SNTG1: variants seen among roughly 807,000 people sequenced by gnomAD.
SNTG1 encodes gamma-1-syntrophin.
In SNTG1, 39 loss-of-function variants were observed where a neutral mutation model predicts 74.7. The ratio of observed to expected loss-of-function variants is 0.52; its 90% confidence interval spans 0.40 to 0.68. The LOEUF is 0.68. Among genes scored for constraint, SNTG1 ranks in the 30% least tolerant of loss-of-function variants. The probability of loss-of-function intolerance (pLI) is 0.00; values close to 1 mark genes in which losing one functional copy is unlikely to be tolerated. For missense variants in SNTG1, 685 were observed against 609.5 expected, an observed-to-expected ratio of 1.12 and a Z score of -1.30; for synonymous variants, 254 against 217.1, an observed-to-expected ratio of 1.17 and a Z score of -1.49.
At chr8:50,265,031 A>T (rs1158526024) in intron 2 of SNTG1, among the ~76,000 whole-genome samples, 1 of 152,318 alleles carries the variant, frequency 6.6e-6, no homozygotes, top group East Asian at 1.9e-4. Context: ...AAATAATGTT[A>T]CTGGTAAATC....
In SNTG1 at chr8:50,578,112, A is replaced by G. The variant is rs1167017558; in HGVS notation, c.811-12767A>G. On this transcript the variant is annotated intron_variant, in intron 12 of 18. Transcript: ENST00000642720. The stretch of plus-strand genomic sequence containing the variant: ...ATTCTGCTAGACTGAGGGAAGTTAA[A>G]ATGAATAAGACACATGTCTCTTCTT... Among the ~76,000 whole-genome samples, 6 of 152,354 alleles carry G rather than the reference A, an allele frequency of 3.9e-5. No individual in the cohort carries two copies. In the East Asian group the frequency reaches 1.2e-3, roughly 29 times the overall value.
chr8:50,229,176 C>T (rs1017933124), intron 2 of SNTG1, among the ~76,000 whole-genome samples: 1 of 151,374 alleles, frequency 6.6e-6, no homozygotes, highest in Non-Finnish European at 1.5e-5. Context: ...AATTAAAACC[C>T]ACTAAGACAG....
chr8:50,064,198 C>T (rs544789684), intron 1 of SNTG1, among the ~76,000 whole-genome samples: 14 of 152,320 alleles, frequency 9.2e-5, no homozygotes, highest in East Asian at 1.9e-4. Flanking sequence ...AGCATCATCA[C>T]GTGTAAGATG....
At position 50,105,572 on chromosome 8, in the gene SNTG1, A is replaced by C. The variant is rs112487347; in HGVS notation, c.-102-66989A>C. Among the ~76,000 whole-genome samples, 11 of 152,024 alleles carry C rather than the reference A, an allele frequency of 7.2e-5. 1 individual carries two copies. The highest frequency in any genetic ancestry group is 2.4e-4 in the African/African-American group (10 of 41,502). Reference sequence around the variant, plus strand: ...TAATTTTTTTCTAATTCTGTGAAGAAAGTTATTGGAATTTTAGTAGGAATA... The same window carrying C: ...TAATTTTTTTCTAATTCTGTGAAGACAGTTATTGGAATTTTAGTAGGAATA... On this transcript the variant is annotated intron_variant, in intron 1 of 18. Transcript: ENST00000642720.
At position 49,917,330 on chromosome 8, in the gene SNTG1, A is replaced by G. The variant is rs1252105334; in HGVS notation, c.-103+5099A>G. Among the ~76,000 whole-genome samples, 3 of 152,142 alleles carry G rather than the reference A, an allele frequency of 2.0e-5. No homozygotes were observed. In the East Asian group the frequency reaches 5.8e-4, roughly 29 times the overall value. ...TTGAACTCATAAACTTTCCTTCCAC[A>G]TCTGTCATGCCATTCTTCTTGAAAA... On this transcript the variant is annotated intron_variant, in intron 1 of 18. Coordinates refer to ENST00000642720, the MANE Select transcript of SNTG1 (RefSeq NM_018967.5).
chr8:50,393,285 C>A (rs2092686307), intron 2 of SNTG1, among the ~76,000 whole-genome samples: 1 of 151,956 alleles, frequency 6.6e-6, no homozygotes, highest in African/African-American at 2.4e-5. Flanking sequence ...TCTGTTTTGC[C>A]ACACTTACCT....
intron 17 of SNTG1, among the ~76,000 whole-genome samples, chr8:50,710,717 T>G (rs992939937): frequency 2.0e-5 from 3 of 152,214 alleles, no homozygotes; most frequent in Non-Finnish European, 4.4e-5. Context: ...CAATGTCCTA[T>G]CTGACATTCC....
At chr8:50,738,219 T>A (rs138360995) in intron 17 of SNTG1, among the ~76,000 whole-genome samples, 28 of 152,274 alleles carry the variant, frequency 1.8e-4, no homozygotes, top group African/African-American at 5.8e-4. Flanking sequence ...AGCCTCAAGA[T>A]ACAAAATCAA....
chr8:50,480,782 G>T (rs1486365797), intron 8 of SNTG1, among the ~76,000 whole-genome samples: 3 of 151,998 alleles, frequency 2.0e-5, no homozygotes, highest in African/African-American at 7.3e-5. Flanking sequence ...AAAATATTTT[G>T]ACTTTCACAA....
At chr8:50,010,001 AC>A (rs1375273534) in intron 1 of SNTG1, among the ~76,000 whole-genome samples, 1 of 152,156 alleles carries the variant, frequency 6.6e-6, no homozygotes, top group Non-Finnish European at 1.5e-5. Context: ...GTCTAAAAAA[AC>A]CCAATTATTT....
intron 1 of SNTG1, among the ~76,000 whole-genome samples, chr8:50,130,047 G>T (rs1304927816): frequency 1.3e-5 from 2 of 152,128 alleles, no homozygotes; most frequent in Non-Finnish European, 2.9e-5. Context: ...ATGTTCATGT[G>T]AATGTGAAAA....
chr8:50,649,318 T>C (rs2095129764), intron 13 of SNTG1, among the ~76,000 whole-genome samples: 1 of 152,000 alleles, frequency 6.6e-6, no homozygotes, highest in Non-Finnish European at 1.5e-5. Context: ...GCCAACATGG[T>C]GAAACCCCCT....
chr8:50,601,549 T>G (rs1048217855), intron 13 of SNTG1, among the ~76,000 whole-genome samples: 1 of 152,214 alleles, frequency 6.6e-6, no homozygotes, highest in African/African-American at 2.4e-5. Context: ...ACATATGGTA[T>G]CTCCTTTAGA....
intron 1 of SNTG1, among the ~76,000 whole-genome samples, chr8:50,143,484 A>G (rs2081746374): frequency 1.3e-5 from 2 of 152,226 alleles, no homozygotes; most frequent in Non-Finnish European, 2.9e-5. Context: ...GGTGTAGCAG[A>G]AATTGCTTCT....
chr8:49,921,403 C>T (rs891502410), intron 1 of SNTG1, among the ~76,000 whole-genome samples: 1 of 152,016 alleles, frequency 6.6e-6, no homozygotes, highest in Non-Finnish European at 1.5e-5. Context: ...CTGGAGAGAA[C>T]GATTTCTGAA....
intron 15 of SNTG1, among the ~76,000 whole-genome samples, chr8:50,701,713 T>C (rs2095425506): frequency 2.0e-5 from 1 of 48,834 alleles, no homozygotes. Flanking sequence ...CCTCTTCATC[T>C]TCCTCTTTTT....
chr8:50,289,454 C>A (rs1319719360), intron 2 of SNTG1, among the ~76,000 whole-genome samples: 1 of 152,118 alleles, frequency 6.6e-6, no homozygotes, highest in Admixed American at 6.6e-5. Flanking sequence ...AGTTGTACTT[C>A]CTCTTGCTTA....
chr8:49,933,164 G>C (rs1007063969), intron 1 of SNTG1, among the ~76,000 whole-genome samples: 4 of 152,078 alleles, frequency 2.6e-5, no homozygotes, highest in Admixed American at 6.6e-5. Context: ...GGGTCATATG[G>C]ACTAACATCA....
chr8:50,117,602 G>C (rs544516377), intron 1 of SNTG1, among the ~76,000 whole-genome samples: 3 of 152,128 alleles, frequency 2.0e-5, no homozygotes, highest in African/African-American at 7.2e-5. Flanking sequence ...AATTGTTTTC[G>C]CTCCATTGCT....
Sources: allele counts gnomAD v4.1 joint callset (sites outside exome capture counted in the v4.1 genomes callset), GRCh38; gene constraint gnomAD v4.1.1; transcripts MANE v1.5; gene names NCBI Gene and HGNC (gene_info 2026-07-23, HGNC 2026-07-21).